Variants in BLMH observed in about 807,000 individuals in gnomAD.
The protein encoded by BLMH is BLM hydrolase.
In BLMH, 32 loss-of-function variants were observed where a neutral mutation model predicts 61.6. The observed-to-expected ratio is 0.52, with a 90% CI of 0.39 to 0.70. BLMH has a LOEUF of 0.70. BLMH is among the 30% of genes least tolerant of loss of function. The probability of loss-of-function intolerance (pLI) is 0.00; values close to 1 mark genes in which losing one functional copy is unlikely to be tolerated. For missense variants in BLMH, 460 were observed against 555.5 expected (o/e 0.83, Z 1.73); for synonymous variants, 183 against 193.8 (o/e 0.94, Z 0.46).
intron 11 of BLMH, 57 bp downstream of exon 11, chr17:30,266,828 C>T: frequency 1.3e-6 from 2 of 1,495,810 alleles, no homozygotes; most frequent in African/African-American, 1.4e-5. Flanking sequence ...GACACCCAGA[C>T]AGGCAGAGTA....
At chr17:30,278,274 C>T (rs1908478780) in intron 6 of BLMH, among the ~76,000 whole-genome samples, 1 of 152,168 alleles carries the variant, frequency 6.6e-6, no homozygotes, top group Non-Finnish European at 1.5e-5. Flanking sequence ...CTCACAAGAT[C>T]TACTTGGCAT....
At chr17:30,289,788 GAA>G (rs748757742) in intron 2 of BLMH, among the ~76,000 whole-genome samples, 4 of 152,112 alleles carry the variant, frequency 2.6e-5, no homozygotes, top group South Asian at 2.1e-4. Context: ...AGCGCCATTA[GAA>G]AAGTCTTTTA....
intron 11 of BLMH, among the ~76,000 whole-genome samples, chr17:30,255,650 G>GAT (rs1907791887): frequency 6.6e-6 from 1 of 152,172 alleles, no homozygotes; most frequent in Non-Finnish European, 1.5e-5. Flanking sequence ...TGTAATCCCA[G>GAT]CACTTTGGGA....
intron 6 of BLMH, among the ~76,000 whole-genome samples, chr17:30,284,004 T>C (rs1310163385): frequency 6.6e-6 from 1 of 152,158 alleles, no homozygotes; most frequent in Non-Finnish European, 1.5e-5. Context: ...AAGGAAAATA[T>C]TTCAGATCCT....
chr17:30,282,729 C>G (rs1047407973), intron 6 of BLMH, among the ~76,000 whole-genome samples: 2 of 152,150 alleles, frequency 1.3e-5, no homozygotes, highest in Admixed American at 1.3e-4. Flanking sequence ...TTGATTAAGC[C>G]ATCATTTTGA....
Sources: allele counts gnomAD v4.1 joint callset (sites outside exome capture counted in the v4.1 genomes callset), GRCh38; gene constraint gnomAD v4.1.1; transcripts MANE v1.5; gene names NCBI Gene and HGNC (gene_info 2026-07-23, HGNC 2026-07-21).